The following TLL2 variants were observed in gnomAD, a reference collection of about 807,000 sequenced individuals.
TLL2 encodes tolloid-like protein 2.
In TLL2, 106 loss-of-function variants were observed where a neutral mutation model predicts 123.0. The ratio of observed to expected loss-of-function variants is 0.86; its 90% confidence interval spans 0.74 to 1.01. The LOEUF (loss-of-function observed/expected upper bound fraction) is 1.01. TLL2 is among the 50% of genes least tolerant of loss of function. The pLI, the probability that TLL2 is intolerant of heterozygous loss-of-function variation, is 0.00. For synonymous variants in TLL2, 494 were observed against 516.8 expected, an observed-to-expected ratio of 0.96 and a Z score of 0.60; for missense variants, 1,332 against 1,336.7, an observed-to-expected ratio of 1.00 and a Z score of 0.06.
rs777609181 is a variant in TLL2, at chr10:96,513,497, G to A, written c.175+14C>T. On this transcript the variant is annotated intron_variant, in intron 1 of 20. Transcript: ENST00000357947. ...GGCAAACTTCTGCGGGACTTCCCCAGCGGCGGCACCTACCGGCTTTGCAAG... is the reference window on the plus strand; with the variant it reads ...GGCAAACTTCTGCGGGACTTCCCCAACGGCGGCACCTACCGGCTTTGCAAG... 1 of 1,611,896 alleles carries A rather than the reference G, an allele frequency of 6.2e-7. No homozygotes were observed. The highest frequency in any genetic ancestry group is 8.5e-7 in the Non-Finnish European group (1 of 1,179,480).
chr10:96,421,697 C>T (rs1846625276), intron 6 of TLL2, among the ~76,000 whole-genome samples: 3 of 150,818 alleles, frequency 2.0e-5, no homozygotes, highest in Admixed American at 2.0e-4. Context: ...ATTAGCTGGG[C>T]GTGGTGGTGG....
chr10:96,428,233 C>T (rs1481075464), intron 5 of TLL2, among the ~76,000 whole-genome samples: 1 of 152,178 alleles, frequency 6.6e-6, no homozygotes, highest in Non-Finnish European at 1.5e-5. Flanking sequence ...AGTTTGTAAA[C>T]CTGTAGAATC....
intron 10 of TLL2, among the ~76,000 whole-genome samples, chr10:96,403,328 G>A (rs899621161): frequency 2.6e-5 from 4 of 152,160 alleles, no homozygotes; most frequent in Non-Finnish European, 5.9e-5. Context: ...GAAGACATAA[G>A]AGACTCCATT....
At chr10:96,396,821 G>C (rs1014363264) in intron 11 of TLL2, among the ~76,000 whole-genome samples, 2 of 152,164 alleles carry the variant, frequency 1.3e-5, no homozygotes, top group African/African-American at 4.8e-5. Context: ...CAGAGGCCTA[G>C]AGAGGTCAGA....
At chr10:96,371,920 C>T (rs1846088284) in intron 19 of TLL2, among the ~76,000 whole-genome samples, 1 of 152,230 alleles carries the variant, frequency 6.6e-6, no homozygotes, top group Admixed American at 6.5e-5. Context: ...TCTCTGTCTC[C>T]AGCTTCCAGG....
intron 1 of TLL2, among the ~76,000 whole-genome samples, chr10:96,489,421 T>C (rs1448158601): frequency 6.6e-6 from 1 of 151,972 alleles, no homozygotes; most frequent in Non-Finnish European, 1.5e-5. Context: ...CCCAGGTACA[T>C]GGGAGGCTGA....
At chr10:96,502,672 A>C (rs1183024824) in intron 1 of TLL2, among the ~76,000 whole-genome samples, 3 of 151,560 alleles carry the variant, frequency 2.0e-5, no homozygotes, top group Non-Finnish European at 4.4e-5. Context: ...ACCAGCCCTG[A>C]CTCCACAGGG....
At chr10:96,393,763 A>C (rs1846312030) in intron 13 of TLL2, among the ~76,000 whole-genome samples, 1 of 149,816 alleles carries the variant, frequency 6.7e-6, no homozygotes, top group Admixed American at 6.7e-5. Context: ...CTTGAGAAAG[A>C]AGCAACTCAG....
At position 96,422,615 on chromosome 10, in the gene TLL2, A is replaced by G. The variant is rs1846635858; in HGVS notation, c.751T>C (p.Trp251Arg). ...AHELGHVVGF[W>R]HEHTRPDRDQ... Reference sequence around the variant, plus strand: ...CTGTCTGGCCGGGTGTGTTCATGCCAAAACCCAACCACATGGCCCAGCTCG... The same window carrying G: ...CTGTCTGGCCGGGTGTGTTCATGCCGAAACCCAACCACATGGCCCAGCTCG... The change falls in exon 6 of 21, where the codon TGG becomes CGG. Residue 251 changes from tryptophan (W) to arginine (R), a missense_variant. Coordinates refer to ENST00000357947, the MANE Select transcript of TLL2 (RefSeq NM_012465.4). The G allele has an allele frequency of 6.2e-7, 1 of 1,614,196 alleles. No individual in the cohort carries two copies. The highest frequency in any genetic ancestry group is 2.2e-5 in the East Asian group (1 of 44,880).
intron 7 of TLL2, among the ~76,000 whole-genome samples, chr10:96,414,969 GCTT>G (rs1846539972): frequency 6.6e-6 from 1 of 152,096 alleles, no homozygotes; most frequent in African/African-American, 2.4e-5. Context: ...CTTTCCAGTA[GCTT>G]CTTAACTGGC....
At chr10:96,457,669 T>C (rs1453961992) in intron 2 of TLL2, among the ~76,000 whole-genome samples, 1 of 152,056 alleles carries the variant, frequency 6.6e-6, no homozygotes, top group East Asian at 1.9e-4. Context: ...TCGGGTATAG[T>C]GGCTATGGAG....
intron 2 of TLL2, among the ~76,000 whole-genome samples, chr10:96,451,297 C>T (rs570204435): frequency 2.6e-5 from 4 of 152,252 alleles, no homozygotes; most frequent in African/African-American, 7.2e-5. Context: ...AATTTTCTTC[C>T]GCTCTCAACA....
intron 1 of TLL2, among the ~76,000 whole-genome samples, chr10:96,508,853 T>C (rs1426446638): frequency 6.6e-6 from 1 of 152,134 alleles, no homozygotes; most frequent in Non-Finnish European, 1.5e-5. Context: ...TCATTTCATG[T>C]GCCCTTTTAA....
At chr10:96,486,491 C>T (rs1847357741) in intron 1 of TLL2, among the ~76,000 whole-genome samples, 1 of 152,210 alleles carries the variant, frequency 6.6e-6, no homozygotes. Flanking sequence ...AGCTGCAGGT[C>T]TAAGACACTC....
chr10:96,384,707 C>T lies in TLL2; in HGVS notation c.2074G>A (p.Gly692Ser), dbSNP rs777268778. Reference sequence around the variant, plus strand: ...GGCGTCTCAGAGCCGCAGAACCTGCCGTGCAGCTTGGCGTCGGGGGACAGG... The same window carrying T: ...GGCGTCTCAGAGCCGCAGAACCTGCTGTGCAGCTTGGCGTCGGGGGACAGG... ...SGLSPDAKLH[G>S]RFCGSETPEV... Residue 692 changes from glycine (G) to serine (S), a missense_variant, in exon 16 of 21, where the codon GGC (glycine) becomes AGC (serine). Coordinates refer to ENST00000357947, the MANE Select transcript of TLL2 (RefSeq NM_012465.4). 3.1e-6 allele frequency: 5 copies of T among 1,611,962 alleles called. No individual in the cohort carries two copies. The highest frequency in any genetic ancestry group is 2.2e-5 in the East Asian group (1 of 44,766).
At chr10:96,444,634 A>G (rs912564274) in intron 3 of TLL2, among the ~76,000 whole-genome samples, 1 of 152,238 alleles carries the variant, frequency 6.6e-6, no homozygotes, top group African/African-American at 2.4e-5. Context: ...ACTAGCATGC[A>G]TAACCTGGGA....
At position 96,397,584 on chromosome 10, in the gene TLL2, G is replaced by A. The variant is rs1392974242; in HGVS notation, c.1268-282C>T. ...CAGGCAGCCTCTCCCCTGCCGAGGG[G>A]TGTTGCTGAGGCTCTGAAGGTGAGG... On this transcript the variant is annotated intron_variant, in intron 10 of 20. Coordinates refer to ENST00000357947, the MANE Select transcript of TLL2 (RefSeq NM_012465.4). 9.2e-5 allele frequency among the ~76,000 whole-genome samples: 14 copies of A among 152,334 alleles called. No homozygotes were observed. The East Asian group carries it at 2.5e-3, about 27-fold the overall frequency.
At chr10:96,426,752 T>C (rs1442434980) in intron 5 of TLL2, among the ~76,000 whole-genome samples, 2 of 151,556 alleles carry the variant, frequency 1.3e-5, no homozygotes, top group Non-Finnish European at 2.9e-5. Flanking sequence ...TTCTATGTAA[T>C]CATATTTTGT....
chr10:96,405,359 G>A (rs1331382883), intron 9 of TLL2, 25 bp from the exon 10 acceptor site: 1 of 1,610,424 alleles, frequency 6.2e-7, no homozygotes, highest in Non-Finnish European at 8.5e-7. Context: ...CATAAAGTGA[G>A]TTTTGGCAGC....
Sources: allele counts gnomAD v4.1 joint callset (sites outside exome capture counted in the v4.1 genomes callset), GRCh38; gene constraint gnomAD v4.1.1; transcripts MANE v1.5; gene names NCBI Gene and HGNC (gene_info 2026-07-23, HGNC 2026-07-21).